Variants in ITK observed in about 807,000 individuals in gnomAD.
The protein encoded by ITK is tyrosine-protein kinase ITK/TSK.
ITK carries 45 observed loss-of-function variants against 87.6 expected under a neutral mutation model. That is an observed-to-expected ratio of 0.51 (90% confidence interval 0.40 to 0.66). The LOEUF is 0.66. ITK is among the 30% of genes least tolerant of loss of function. The pLI is 0.00. For missense variants in ITK, 605 were observed against 766.3 expected (o/e 0.79, Z 2.48); for synonymous variants, 303 against 273.6 (o/e 1.11, Z -1.06).
At chr5:157,236,161 G>T (rs1370197717) in intron 8 of ITK, among the ~76,000 whole-genome samples, 1 of 152,136 alleles carries the variant, frequency 6.6e-6, no homozygotes, top group Non-Finnish European at 1.5e-5. Context: ...ATCACTGGAG[G>T]TCAGGAGTTC....
intron 3 of ITK, among the ~76,000 whole-genome samples, chr5:157,211,758 G>A (rs1754196235): frequency 6.6e-6 from 1 of 152,198 alleles, no homozygotes. Flanking sequence ...AGGCCCTCAT[G>A]TGAGATGACC....
chr5:157,223,115 A>G (rs531830311), intron 6 of ITK, 101 bp downstream of exon 6: 1 of 1,397,132 alleles, frequency 7.2e-7, no homozygotes, highest in East Asian at 2.3e-5. Flanking sequence ...TAACCACAGC[A>G]CTGAGGTGGG....
chr5:157,197,987 C>A (rs1210076586), intron 1 of ITK, among the ~76,000 whole-genome samples: 2 of 151,962 alleles, frequency 1.3e-5, no homozygotes, highest in Admixed American at 6.6e-5. Context: ...AATACACATT[C>A]ATGGCAAAAT....
At chr5:157,224,542 G>A (rs1754492334) in intron 6 of ITK, among the ~76,000 whole-genome samples, 1 of 152,160 alleles carries the variant, frequency 6.6e-6, no homozygotes, top group South Asian at 2.1e-4. Flanking sequence ...TTGATTGGGA[G>A]GCCAAGGTGG....
In ITK at chr5:157,255,023, T is replaced by A. The variant is rs1169107293; in HGVS notation, c.*2345T>A. The A allele has an allele frequency of 4.9e-6, 1 of 204,366 alleles. No individual in the cohort carries two copies. Among genetic ancestry groups the A allele is most frequent in the East Asian group, 7.5e-5 (1 of 13,342 alleles). The allele number at this position is 204,366 out of a possible 1,614,324, so 12.7% of individuals were successfully genotyped here. Reference sequence around the variant, plus strand: ...TTGCATTTTGTACCTTTTGAGACTATGTATTTATATTTGGATCAGATGCAT... The same window carrying A: ...TTGCATTTTGTACCTTTTGAGACTAAGTATTTATATTTGGATCAGATGCAT... On this transcript the variant is annotated 3_prime_UTR_variant, in exon 17 of 17. Coordinates refer to ENST00000422843, the MANE Select transcript of ITK (RefSeq NM_005546.4).
At chr5:157,189,430 C>T (rs993231819) in intron 1 of ITK, among the ~76,000 whole-genome samples, 42 of 152,044 alleles carry the variant, frequency 2.8e-4, no homozygotes, top group African/African-American at 9.7e-4. Context: ...CTGTAATCCT[C>T]GCACTTTGGG....
At chr5:157,223,150 G>A in intron 6 of ITK, 136 bp downstream of exon 6, 1 of 1,098,098 alleles carries the variant, frequency 9.1e-7, no homozygotes. Flanking sequence ...GCAGAAGGAA[G>A]AGGGAGGAAG....
At chr5:157,249,311 A>AG (rs756336712) in intron 16 of ITK, among the ~76,000 whole-genome samples, 16 of 152,280 alleles carry the variant, frequency 1.1e-4, no homozygotes, top group Admixed American at 2.6e-4. Flanking sequence ...AGAGAAAAAA[A>AG]GTCTGTAACA....
chr5:157,245,849 A>T, intron 14 of ITK, 32 bp from the exon 15 acceptor site: 1 of 1,610,380 alleles, frequency 6.2e-7, no homozygotes, highest in Non-Finnish European at 8.5e-7. Context: ...CCCCCGGAAC[A>T]TTCTGACCTT....
intron 1 of ITK, among the ~76,000 whole-genome samples, chr5:157,201,151 CTT>C (rs1034475908): frequency 6.6e-6 from 1 of 151,950 alleles, no homozygotes; most frequent in Non-Finnish European, 1.5e-5. Flanking sequence ...ATCCAACACT[CTT>C]TGTGATAAAA....
intron 14 of ITK, 33 bp from the exon 15 acceptor site, chr5:157,245,848 C>T (rs766804865): frequency 3.1e-6 from 5 of 1,608,696 alleles, no homozygotes; most frequent in East Asian, 2.2e-5. Context: ...GCCCCCGGAA[C>T]ATTCTGACCT....
chr5:157,211,792 C>T (rs1754196591), intron 3 of ITK, among the ~76,000 whole-genome samples: 1 of 152,154 alleles, frequency 6.6e-6, no homozygotes, highest in Non-Finnish European at 1.5e-5. Context: ...CAGTCTGTCA[C>T]TTGCTATGTA....
At chr5:157,221,508 G>A (rs956305969) in intron 5 of ITK, among the ~76,000 whole-genome samples, 3 of 152,024 alleles carry the variant, frequency 2.0e-5, no homozygotes, top group African/African-American at 7.3e-5. Context: ...ACTCTACAGA[G>A]CATTTTGCAT....
intron 5 of ITK, chr5:157,222,609 G>C (rs758175212): frequency 1.9e-6 from 1 of 525,008 alleles, no homozygotes; most frequent in African/African-American, 1.9e-5. Flanking sequence ...AGTGCAGATA[G>C]AGAAACCAGC....
Position 157,240,129 on chromosome 5 carries a change from G to A in ITK, c.919G>A (p.Val307Met). ...AAATGACAATCCTAAGCGATACTAT[G>A]TGGCTGAAAAGTATGTGTTCGATTC... ...ETNDNPKRYY[V>M]AEKYVFDSIP... Residue 307 changes from valine to methionine, a missense_variant, in exon 10 of 17, where the codon GTG (valine) becomes ATG (methionine). Val to Met is a conservative substitution (Grantham distance 21). This residue lies in a region of ITK where 464 missense variants were observed against 578.0 expected (regional missense o/e 0.80). Coordinates refer to ENST00000422843, the MANE Select transcript of ITK (RefSeq NM_005546.4). 6.2e-7 allele frequency: 1 copy of A among 1,613,634 alleles called. No individual in the cohort carries two copies. Among genetic ancestry groups the A allele is most frequent in the Non-Finnish European group, 8.5e-7 (1 of 1,179,532 alleles).
In ITK at chr5:157,214,282, T is replaced by C; in HGVS notation, c.417T>C (p.Leu139=). The C allele has an allele frequency of 6.2e-7, 1 of 1,613,060 alleles. No individual in the cohort carries two copies. Among genetic ancestry groups the C allele is most frequent in the Non-Finnish European group, 8.5e-7 (1 of 1,179,006 alleles). Residue 139 remains leucine (L), a synonymous_variant, in exon 4 of 17, where the codon CTT becomes CTC. Transcript: ENST00000422843. ...GGTGCTGTTCTCAGCTGGAGAAGCT[T>C]GCAACAGGCTGTGCCCAATATGATC... is the stretch of plus-strand genomic sequence containing the variant. ...KWRCCSQLEK[L]ATGCAQYDPT...
Position 157,254,541 on chromosome 5 carries a change from T to G in ITK, c.*1863T>G, listed in dbSNP as rs1048491292. The G allele has an allele frequency of 5.4e-5, 12 of 221,082 alleles. No homozygotes were observed. Among genetic ancestry groups the G allele is most frequent in the African/African-American group, 2.7e-4 (12 of 44,640 alleles). 13.7% of individuals were successfully genotyped at this position (221,082 alleles called of 1,614,324 possible). A position where few individuals can be genotyped will look rare whatever the true frequency, so the allele number is the denominator to read the frequency against. ...TGCAATTGGCTCTTTCTAAATCATG[T>G]GACGTTTTGACTGGCTTGAGATTCA... On this transcript the variant is annotated 3_prime_UTR_variant, in exon 17 of 17. Coordinates refer to ENST00000422843, the MANE Select transcript of ITK (RefSeq NM_005546.4).
chr5:157,221,839 C>T (rs1754423151), intron 5 of ITK, among the ~76,000 whole-genome samples: 1 of 152,154 alleles, frequency 6.6e-6, no homozygotes, highest in Non-Finnish European at 1.5e-5. Flanking sequence ...ACAAGCTCCA[C>T]AAATATCTAG....
At chr5:157,227,823 T>C (rs869156702) in intron 6 of ITK, among the ~76,000 whole-genome samples, 1 of 37,862 alleles carries the variant, frequency 2.6e-5, no homozygotes, top group Non-Finnish European at 5.0e-5. Context: ...TACCAATTCC[T>C]TTTTTTTTTT....
Sources: allele counts gnomAD v4.1 joint callset (sites outside exome capture counted in the v4.1 genomes callset), GRCh38; gene constraint gnomAD v4.1.1; regional missense constraint gnomAD v4.1.1; transcripts MANE v1.5; gene names NCBI Gene and HGNC (gene_info 2026-07-23, HGNC 2026-07-21).